Variants in LINC00305 observed in about 807,000 individuals in gnomAD.
LINC00305 encodes the protein long independently transcribed non-coding RNA 305.
intron 1 of LINC00305, among the ~76,000 whole-genome samples, chr18:64,137,928 T>A (rs1227915553): frequency 6.6e-6 from 1 of 151,800 alleles, no homozygotes; most frequent in Non-Finnish European, 1.5e-5. Context: ...GGAACTAAAC[T>A]CCTTAAAGTT....
chr18:64,135,513 G>C (rs1202231097), intron 1 of LINC00305, among the ~76,000 whole-genome samples: 1 of 152,194 alleles, frequency 6.6e-6, no homozygotes, highest in South Asian at 2.1e-4. Context: ...GGGAATGACA[G>C]AGATGCAGCT....
intron 1 of LINC00305, among the ~76,000 whole-genome samples, chr18:64,128,888 C>T (rs2051397147): frequency 6.6e-6 from 1 of 152,068 alleles, no homozygotes; most frequent in South Asian, 2.1e-4. Context: ...AGGCTTCTGC[C>T]ATTCTGTTGT....
intron 1 of LINC00305, among the ~76,000 whole-genome samples, chr18:64,130,513 T>C (rs1484979197): frequency 6.6e-6 from 1 of 151,614 alleles, no homozygotes; most frequent in African/African-American, 2.4e-5. Flanking sequence ...TCCAAAAAAA[T>C]ACATAGCAAA....
intron 1 of LINC00305, among the ~76,000 whole-genome samples, chr18:64,115,919 G>C (rs1025058016): frequency 1.3e-5 from 2 of 152,084 alleles, no homozygotes; most frequent in African/African-American, 2.4e-5. Flanking sequence ...GGGAGGATAG[G>C]AGCCTAACAT....
At chr18:64,085,229 AT>A (rs1277814038) in intron 3 of LINC00305, among the ~76,000 whole-genome samples, 3 of 152,140 alleles carry the variant, frequency 2.0e-5, no homozygotes, top group Non-Finnish European at 4.4e-5. Flanking sequence ...ACACATACAG[AT>A]TGCATTTCCT....
At chr18:64,106,929 G>A (rs748572326) in intron 1 of LINC00305, among the ~76,000 whole-genome samples, 72 of 152,276 alleles carry the variant, frequency 4.7e-4, no homozygotes, top group Admixed American at 1.3e-3. Flanking sequence ...GATGATACAT[G>A]AAGAAAAAAT....
chr18:64,109,175 A>G (rs2051304535), intron 1 of LINC00305, among the ~76,000 whole-genome samples: 1 of 152,224 alleles, frequency 6.6e-6, no homozygotes, highest in African/African-American at 2.4e-5. Context: ...GACTAACATT[A>G]GTGAGTAGGC....
intron 1 of LINC00305, among the ~76,000 whole-genome samples, chr18:64,116,242 A>G (rs2051337285): frequency 6.6e-6 from 1 of 152,222 alleles, no homozygotes; most frequent in South Asian, 2.1e-4. Context: ...GAATCAGTTT[A>G]CAACATACAG....
intron 1 of LINC00305, among the ~76,000 whole-genome samples, chr18:64,135,490 C>T (rs2051428791): frequency 6.6e-6 from 1 of 152,172 alleles, no homozygotes. Context: ...TTTGTTGGCA[C>T]AATCCAGGAA....
intron 1 of LINC00305, among the ~76,000 whole-genome samples, chr18:64,099,175 T>C (rs944678138): frequency 6.6e-6 from 1 of 152,188 alleles, no homozygotes; most frequent in Non-Finnish European, 1.5e-5. Context: ...TATAATAATA[T>C]ATTAAATGCT....
intron 1 of LINC00305, among the ~76,000 whole-genome samples, chr18:64,147,016 T>C (rs1012577557): frequency 1.3e-5 from 2 of 152,212 alleles, no homozygotes; most frequent in African/African-American, 4.8e-5. Flanking sequence ...TTCCCAACGT[T>C]TTCTTCTTCA....
At chr18:64,139,154 T>A (rs1010932443) in intron 1 of LINC00305, among the ~76,000 whole-genome samples, 2 of 152,246 alleles carry the variant, frequency 1.3e-5, no homozygotes, top group African/African-American at 2.4e-5. Flanking sequence ...TCTGAAATAC[T>A]TTTTAGCAAA....
intron 1 of LINC00305, among the ~76,000 whole-genome samples, chr18:64,108,419 G>C (rs1417533683): frequency 6.6e-6 from 1 of 152,162 alleles, no homozygotes; most frequent in Non-Finnish European, 1.5e-5. Context: ...GGTGCACAGA[G>C]AGAAGGAAAG....
At chr18:64,098,299 GTTA>G (rs1231513045) in intron 2 of LINC00305, among the ~76,000 whole-genome samples, 1 of 152,176 alleles carries the variant, frequency 6.6e-6, no homozygotes, top group East Asian at 1.9e-4. Context: ...AGTGAGTTCT[GTTA>G]TTATAAAAAT....
chr18:64,115,294 G>T (rs771183165), intron 1 of LINC00305, among the ~76,000 whole-genome samples: 7 of 152,202 alleles, frequency 4.6e-5, no homozygotes, highest in Non-Finnish European at 8.8e-5. Flanking sequence ...TCTACCATGA[G>T]CCTTCCATTA....
At chr18:64,084,846 C>G (rs765055787) in intron 3 of LINC00305, among the ~76,000 whole-genome samples, 2 of 152,222 alleles carry the variant, frequency 1.3e-5, no homozygotes, top group Non-Finnish European at 2.9e-5. Context: ...TCTCATGATG[C>G]TTGTAGATGT....
At chr18:64,124,384 T>C (rs974691841) in intron 1 of LINC00305, among the ~76,000 whole-genome samples, 14 of 152,156 alleles carry the variant, frequency 9.2e-5, no homozygotes, top group African/African-American at 3.1e-4. Context: ...TCTGTGGTCC[T>C]ATAGCACCTG....
intron 3 of LINC00305, chr18:64,097,686 T>C (rs1445732806): frequency 3.2e-6 from 1 of 315,016 alleles, no homozygotes; most frequent in Admixed American, 3.9e-5. Flanking sequence ...GCTTTTAGAT[T>C]GCAAAAAAAG....
intron 3 of LINC00305, among the ~76,000 whole-genome samples, chr18:64,094,401 C>T (rs2051236907): frequency 1.3e-5 from 2 of 152,038 alleles, no homozygotes; most frequent in African/African-American, 2.4e-5. Context: ...GGGTGAGGGT[C>T]GACTGTGGGC....
Sources: allele counts gnomAD v4.1 joint callset (sites outside exome capture counted in the v4.1 genomes callset), GRCh38; gene constraint gnomAD v4.1.1; transcripts MANE v1.5; gene names NCBI Gene and HGNC (gene_info 2026-07-23, HGNC 2026-07-21).